VIPR2: variants seen among roughly 807,000 people sequenced by gnomAD.
VIPR2 encodes vasoactive intestinal polypeptide receptor 2.
Under a neutral mutation model 58.0 loss-of-function variants are expected in VIPR2, and 48 were observed. The ratio of observed to expected loss-of-function variants is 0.83; its 90% CI spans 0.66 to 1.05. The LOEUF is 1.05. Among genes scored for constraint, VIPR2 ranks in the 50% least tolerant of loss-of-function variants. The probability of loss-of-function intolerance (pLI) is 0.00; values close to 1 mark genes in which losing one functional copy is unlikely to be tolerated. For synonymous variants in VIPR2, 243 were observed against 235.2 expected (o/e 1.03, Z -0.30); for missense variants, 534 against 558.0 (o/e 0.96, Z 0.43).
In VIPR2 at chr7:159,128,598, A is replaced by G. The variant is rs796233656; in HGVS notation, c.151+13848T>C. On this transcript the variant is annotated intron_variant, in intron 2 of 12. Coordinates refer to ENST00000262178, the MANE Select transcript of VIPR2 (RefSeq NM_003382.5). This position sits in a 1 kb window ranked among gnomAD's most constrained non-coding sequence, Gnocchi z 4.1. Reference sequence around the variant, plus strand: ...TTGCTCTCCATGAAATTTCAGGAGGAGCATCCACTGCCATCCTGAAGCCTG... The same window carrying G: ...TTGCTCTCCATGAAATTTCAGGAGGGGCATCCACTGCCATCCTGAAGCCTG... 1.3e-5 allele frequency among the ~76,000 whole-genome samples: 2 copies of G among 152,130 alleles called. No homozygotes were observed. Among genetic ancestry groups the G allele is most frequent in the African/African-American group, 4.8e-5 (2 of 41,488 alleles).
chr7:159,109,715 TGAAG>T, intron 3 of VIPR2, 93 bp downstream of exon 3: 1 of 1,169,216 alleles, frequency 8.6e-7, no homozygotes, highest in East Asian at 2.4e-5. Flanking sequence ...AGGAGATGCC[TGAAG>T]GAAAGTGATG....
chr7:159,097,284 C>T lies in VIPR2; in HGVS notation c.357+6473G>A. The T allele has an allele frequency of 7.4e-7, 1 of 1,355,836 alleles. No individual in the cohort carries two copies. The highest frequency in any genetic ancestry group is 9.5e-7 in the Non-Finnish European group (1 of 1,053,988). The allele number at this position is 1,355,836 out of a possible 1,614,324, so 84.0% of individuals were successfully genotyped here. On this transcript the variant is annotated intron_variant, in intron 4 of 12. Transcript: ENST00000262178. This position sits in a 1 kb window ranked among gnomAD's most constrained non-coding sequence, Gnocchi z 5.3. ...GCTTATTTTTAGGGATGTGGCGTAA[C>T]ACGGAAGAAATGTGTGCACTTGAAG...
chr7:159,102,687 G>T (rs1858373269), intron 4 of VIPR2, among the ~76,000 whole-genome samples: 1 of 152,318 alleles, frequency 6.6e-6, no homozygotes, highest in African/African-American at 2.4e-5. Flanking sequence ...TCCCCTGGGG[G>T]CCCAGAGGGC....
At position 159,099,578 on chromosome 7, in the gene VIPR2, G is replaced by A. The variant is rs1448568560; in HGVS notation, c.357+4179C>T. Among the ~76,000 whole-genome samples, 1 of 152,214 alleles carries A rather than the reference G, an allele frequency of 6.6e-6. No individual in the cohort carries two copies. Among genetic ancestry groups the A allele is most frequent in the African/African-American group, 2.4e-5 (1 of 41,456 alleles). On this transcript the variant is annotated intron_variant, in intron 4 of 12. Transcript: ENST00000262178. This position sits in a 1 kb window ranked among gnomAD's most constrained non-coding sequence, Gnocchi z 4.2. ...AGGGAATGCTTATTGAATAAAGGAA[G>A]GAGAGAATGAACGACGGAGCCTGCA...
intron 10 of VIPR2, 80 bp from the exon 11 acceptor site, chr7:159,032,147 G>C: frequency 6.4e-7 from 1 of 1,571,528 alleles, no homozygotes; most frequent in South Asian, 1.2e-5. Flanking sequence ...TCTCAGGAGG[G>C]GGCAGCTGGG....
intron 2 of VIPR2, among the ~76,000 whole-genome samples, chr7:159,116,659 G>A (rs966076151): frequency 2.0e-5 from 3 of 152,244 alleles, no homozygotes; most frequent in African/African-American, 7.2e-5. Context: ...AGGCTTCACA[G>A]CATTTTCAAC....
intron 3 of VIPR2, among the ~76,000 whole-genome samples, chr7:159,104,963 T>C (rs555887026): frequency 6.6e-6 from 1 of 152,316 alleles, no homozygotes; most frequent in East Asian, 1.9e-4. Context: ...GCAGGCTCCA[T>C]TTGGCCACTG....
At chr7:159,061,996 C>A (rs544038599) in intron 4 of VIPR2, among the ~76,000 whole-genome samples, 5 of 152,192 alleles carry the variant, frequency 3.3e-5, no homozygotes, top group Admixed American at 3.3e-4. Context: ...AGAGGAGCCC[C>A]GTCCTGAGAA....
At chr7:159,103,671 A>G (rs2129495921) in intron 4 of VIPR2, 86 bp downstream of exon 4, 1 of 1,039,780 alleles carries the variant, frequency 9.6e-7, no homozygotes, top group Non-Finnish European at 1.5e-6. Context: ...GGAAAAATCT[A>G]CATAATTCTT....
At chr7:159,053,831 A>G (rs997377600) in intron 5 of VIPR2, among the ~76,000 whole-genome samples, 1 of 152,250 alleles carries the variant, frequency 6.6e-6, no homozygotes, top group Non-Finnish European at 1.5e-5. Context: ...CACAGGCGTG[A>G]GCCAATGCAA....
chr7:159,066,528 C>T (rs905354486), intron 4 of VIPR2, among the ~76,000 whole-genome samples: 45 of 152,244 alleles, frequency 3.0e-4, no homozygotes. Context: ...TTCAGGGCAC[C>T]ATCCCGTGGA....
At chr7:159,112,160 C>T (rs1260918311) in intron 2 of VIPR2, among the ~76,000 whole-genome samples, 1 of 152,234 alleles carries the variant, frequency 6.6e-6, no homozygotes, top group Admixed American at 6.5e-5. Flanking sequence ...ACAGTCTTTG[C>T]ATTACAGTAG....
In VIPR2 at chr7:159,031,814, G is replaced by A. The variant is rs1853601772; in HGVS notation, c.1143+14C>T. 7.4e-6 allele frequency: 12 copies of A among 1,613,834 alleles called. No homozygotes were observed. Among genetic ancestry groups the A allele is most frequent in the African/African-American group, 1.3e-5 (1 of 74,910 alleles). Reference sequence around the variant, plus strand: ...GAGTACCTGTGCTTGGTTCCAAGGCGGCCATGAACTTACCTCACTGTTCAG... The same window carrying A: ...GAGTACCTGTGCTTGGTTCCAAGGCAGCCATGAACTTACCTCACTGTTCAG... On this transcript the variant is annotated intron_variant, in intron 12 of 12. Coordinates refer to ENST00000262178, the MANE Select transcript of VIPR2 (RefSeq NM_003382.5). The surrounding 1 kb of genome is among the most constrained non-coding windows in gnomAD (Gnocchi z 4.0).
chr7:159,132,804 C>G (rs1430513868), intron 2 of VIPR2, among the ~76,000 whole-genome samples: 2 of 129,828 alleles, frequency 1.5e-5, no homozygotes. Context: ...TGATTTCAGA[C>G]AGAATGATTG....
intron 4 of VIPR2, among the ~76,000 whole-genome samples, chr7:159,070,244 C>G (rs1052224649): frequency 6.6e-6 from 1 of 152,168 alleles, no homozygotes; most frequent in African/African-American, 2.4e-5. Flanking sequence ...GGGTCAGATT[C>G]CAAGCAGCCG....
chr7:159,031,624 C>T lies in VIPR2; in HGVS notation c.1143+204G>A, dbSNP rs372868595. 6.1e-6 allele frequency: 6 copies of T among 985,320 alleles called. No individual in the cohort carries two copies. Among genetic ancestry groups the T allele is most frequent in the South Asian group, 4.7e-5 (1 of 21,260 alleles). 61.0% of individuals were successfully genotyped at this position (985,320 alleles called of 1,614,324 possible). On this transcript the variant is annotated intron_variant, in intron 12 of 12. Transcript: ENST00000262178. The surrounding 1 kb of genome is among the most constrained non-coding windows in gnomAD (Gnocchi z 4.0). ...CTACTTAGGGTGGACGGAAGGACGG[C>T]GGGGTTTGGAAGCTGGGCCCAGAAG...
intron 3 of VIPR2, among the ~76,000 whole-genome samples, chr7:159,107,246 C>T (rs1220379734): frequency 6.6e-6 from 1 of 152,130 alleles, no homozygotes; most frequent in African/African-American, 2.4e-5. Flanking sequence ...TAAAACAGTG[C>T]CATGCAGAAT....
At chr7:159,132,237 C>T (rs41558) in intron 2 of VIPR2, among the ~76,000 whole-genome samples, 59,494 of 129,692 alleles carry the variant, frequency 0.46, 10,726 homozygotes, top group East Asian at 0.68. Context: ...TAACCAGGCG[C>T]GGGCAGCCCC....
At chr7:159,107,927 C>A (rs1795829322) in intron 3 of VIPR2, among the ~76,000 whole-genome samples, 1 of 152,178 alleles carries the variant, frequency 6.6e-6, no homozygotes, top group African/African-American at 2.4e-5. Context: ...GGACAGACAG[C>A]CCCCAAACCT....
Sources: allele counts gnomAD v4.1 joint callset (sites outside exome capture counted in the v4.1 genomes callset), GRCh38; gene constraint gnomAD v4.1.1; non-coding constraint Gnocchi (gnomAD v3.1); transcripts MANE v1.5; gene names NCBI Gene and HGNC (gene_info 2026-07-23, HGNC 2026-07-21).